MBD5: variants seen among roughly 807,000 people sequenced by gnomAD.
MBD5 encodes methyl-CpG binding domain protein 5.
In MBD5, 13 loss-of-function variants were observed where a neutral mutation model predicts 117.3. That is an observed-to-expected ratio of 0.11 (90% CI 0.07 to 0.18). The LOEUF (loss-of-function observed/expected upper bound fraction) is 0.18. Among genes scored for constraint, MBD5 ranks in the 10% least tolerant of loss-of-function variants. The pLI is 1.00. For synonymous variants in MBD5, 727 were observed against 766.4 expected (o/e 0.95, Z 0.85); for missense variants, 1,879 against 2,093.8 (o/e 0.90, Z 2.00).
At chr2:148,226,164 CA>C (rs1699813000) in intron 2 of MBD5, among the ~76,000 whole-genome samples, 1 of 151,464 alleles carries the variant, frequency 6.6e-6, no homozygotes, top group Non-Finnish European at 1.5e-5. Flanking sequence ...GCACAATGTG[CA>C]GGTTTGTTAT....
chr2:148,382,336 C>G (rs1230143627), intron 4 of MBD5, among the ~76,000 whole-genome samples: 1 of 152,052 alleles, frequency 6.6e-6, no homozygotes, highest in African/African-American at 2.4e-5. Context: ...TTTAAAACAA[C>G]AAAGATCAAA....
intron 3 of MBD5, among the ~76,000 whole-genome samples, chr2:148,247,409 C>T (rs1700363848): frequency 6.6e-6 from 1 of 152,076 alleles, no homozygotes; most frequent in African/African-American, 2.4e-5. Context: ...ATCAAATAAC[C>T]TTTATGGTAG....
chr2:148,037,181 T>A (rs898959311), intron 1 of MBD5, among the ~76,000 whole-genome samples: 1 of 151,984 alleles, frequency 6.6e-6, no homozygotes, highest in African/African-American at 2.4e-5. Context: ...AAAGGCCACT[T>A]TTATTGTAGA....
intron 4 of MBD5, among the ~76,000 whole-genome samples, chr2:148,408,329 T>A (rs956276662): frequency 6.6e-6 from 1 of 152,184 alleles, no homozygotes; most frequent in African/African-American, 2.4e-5. Flanking sequence ...ACTTCAGTGT[T>A]TTAACCTCCA....
rs1288721494 is a variant in MBD5 at position 148,445,739 on chromosome 2, T to G, written c.-556-12464T>G. 4.6e-5 allele frequency among the ~76,000 whole-genome samples: 7 copies of G among 151,382 alleles called. No homozygotes were observed. In the South Asian group the frequency reaches 8.3e-4, roughly 18 times the overall value. On this transcript the variant is annotated intron_variant, in intron 4 of 13. Coordinates refer to ENST00000642680, the MANE Select transcript of MBD5 (RefSeq NM_001378120.1). ...CGACTTCCACAATGGTTGAACTAGT[T>G]TACAGTCCCACCAACAGTGTAAAAG...
intron 4 of MBD5, among the ~76,000 whole-genome samples, chr2:148,457,941 A>T (rs1339056975): frequency 6.6e-6 from 1 of 152,132 alleles, no homozygotes; most frequent in African/African-American, 2.4e-5. Flanking sequence ...GTTTGAGTGT[A>T]TGTGTATATG....
intron 3 of MBD5, among the ~76,000 whole-genome samples, chr2:148,304,668 T>C (rs1005668997): frequency 2.0e-5 from 3 of 152,116 alleles, no homozygotes; most frequent in Non-Finnish European, 2.9e-5. Flanking sequence ...GCAGTGGGTA[T>C]CTATACCCAA....
At chr2:148,436,881 A>G (rs898842965) in intron 4 of MBD5, among the ~76,000 whole-genome samples, 2 of 152,100 alleles carry the variant, frequency 1.3e-5, no homozygotes, top group Non-Finnish European at 2.9e-5. Flanking sequence ...ACAAAATAAA[A>G]TGAAACTATG....
At chr2:148,353,409 C>T (rs564183663) in intron 4 of MBD5, among the ~76,000 whole-genome samples, 39 of 152,086 alleles carry the variant, frequency 2.6e-4, no homozygotes, top group Non-Finnish European at 4.1e-4. Context: ...TCCTTTGATA[C>T]GTATCTCTAT....
Position 148,483,691 on chromosome 2 carries a change from G to C in MBD5, c.3100G>C (p.Asp1034His). ...ATTAACACAGATGACAGCCCCACCA[G>C]ACCATTTGCCAAGCAATCAGTCAGA... is the stretch of plus-strand genomic sequence containing the variant. ...PSLTQMTAPP[D>H]HLPSNQSDNS... Residue 1034 changes from aspartate (D) to histidine (H), a missense_variant, in exon 9 of 14, where the codon GAC becomes CAC. Asp to His is a moderately conservative substitution (Grantham distance 81). Transcript: ENST00000642680. 6.4e-7 allele frequency: 1 copy of C among 1,550,584 alleles called. No homozygotes were observed. Among genetic ancestry groups the C allele is most frequent in the Non-Finnish European group, 8.7e-7 (1 of 1,147,004 alleles).
chr2:148,403,478 C>G (rs948758083), intron 4 of MBD5, among the ~76,000 whole-genome samples: 3 of 152,124 alleles, frequency 2.0e-5, no homozygotes, highest in Non-Finnish European at 4.4e-5. Flanking sequence ...TCAAGCTCAG[C>G]CATAATAGCT....
At chr2:148,223,083 T>C (rs1699731284) in intron 2 of MBD5, among the ~76,000 whole-genome samples, 1 of 152,180 alleles carries the variant, frequency 6.6e-6, no homozygotes. Flanking sequence ...AATTTGTACA[T>C]GTTGAACCAT....
chr2:148,277,632 T>G (rs1701147165), intron 3 of MBD5, among the ~76,000 whole-genome samples: 1 of 152,186 alleles, frequency 6.6e-6, no homozygotes, highest in Admixed American at 6.5e-5. Flanking sequence ...GTGTCTACTT[T>G]ATCTGTATTA....
intron 2 of MBD5, among the ~76,000 whole-genome samples, chr2:148,201,149 G>C (rs918329234): frequency 6.6e-6 from 1 of 152,208 alleles, no homozygotes; most frequent in Non-Finnish European, 1.5e-5. Flanking sequence ...GCCATGCCTG[G>C]CTTGCCCCCC....
At chr2:148,092,153 C>A (rs1043132034) in intron 1 of MBD5, among the ~76,000 whole-genome samples, 3 of 151,990 alleles carry the variant, frequency 2.0e-5, no homozygotes, top group Non-Finnish European at 2.9e-5. Flanking sequence ...ATTAAAAAAT[C>A]AAAAAATAAC....
At chr2:148,165,931 G>A (rs1230601901) in intron 1 of MBD5, among the ~76,000 whole-genome samples, 1 of 152,110 alleles carries the variant, frequency 6.6e-6, no homozygotes, top group Non-Finnish European at 1.5e-5. Context: ...TTTCTGCATA[G>A]TGATTTCAGT....
chr2:148,417,103 G>A (rs1705441942), intron 4 of MBD5, among the ~76,000 whole-genome samples: 1 of 151,834 alleles, frequency 6.6e-6, no homozygotes, highest in Non-Finnish European at 1.5e-5. Flanking sequence ...AAACATACAT[G>A]TGCAGGTATC....
intron 3 of MBD5, chr2:148,264,184 A>C (rs1700798062): frequency 6.6e-6 from 1 of 152,168 alleles, no homozygotes; most frequent in African/African-American, 2.4e-5. Flanking sequence ...AATAGTTTAC[A>C]GGCTCAGTAG....
intron 4 of MBD5, among the ~76,000 whole-genome samples, chr2:148,407,240 A>G (rs1419275753): frequency 6.6e-6 from 1 of 152,156 alleles, no homozygotes; most frequent in Non-Finnish European, 1.5e-5. Flanking sequence ...CATTTTTACT[A>G]AACATAATTT....
Sources: allele counts gnomAD v4.1 joint callset (sites outside exome capture counted in the v4.1 genomes callset), GRCh38; gene constraint gnomAD v4.1.1; transcripts MANE v1.5; gene names NCBI Gene and HGNC (gene_info 2026-07-23, HGNC 2026-07-21).